Variants in HMGB1 observed in about 807,000 individuals in gnomAD.
HMGB1 encodes high mobility group protein B1.
For synonymous variants in HMGB1, 81 were observed against 84.0 expected (o/e 0.96, Z 0.19); for missense variants, 79 against 253.5 (o/e 0.31, Z 4.67).
chr13:30,515,800 A>G (rs1006945406), intron 1 of HMGB1, among the ~76,000 whole-genome samples: 3 of 152,258 alleles, frequency 2.0e-5, no homozygotes, highest in Non-Finnish European at 2.9e-5. Context: ...CAGGGGCTAC[A>G]TTGTAGTTTC....
chr13:30,518,153 G>A (rs193232562), intron 1 of HMGB1, among the ~76,000 whole-genome samples: 7 of 151,956 alleles, frequency 4.6e-5, no homozygotes, highest in Admixed American at 1.3e-4. Flanking sequence ...GCAAGATAGC[G>A]AGACTTCATC....
chr13:30,585,167 G>A (rs550132147), intron 1 of HMGB1, among the ~76,000 whole-genome samples: 1 of 150,722 alleles, frequency 6.6e-6, no homozygotes, highest in East Asian at 2.0e-4. Context: ...AAAAAAATTA[G>A]CCAGGCATGG....
intron 1 of HMGB1, among the ~76,000 whole-genome samples, chr13:30,579,335 T>C (rs911287935): frequency 2.0e-5 from 3 of 152,206 alleles, no homozygotes; most frequent in Admixed American, 6.6e-5. Flanking sequence ...ACAATTTTTG[T>C]TTCTGTCACA....
chr13:30,599,201 G>A (rs1025984285), intron 1 of HMGB1, among the ~76,000 whole-genome samples: 3 of 152,322 alleles, frequency 2.0e-5, no homozygotes, highest in East Asian at 3.9e-4. Context: ...GGGCACAACG[G>A]CTCACGCCTG....
At chr13:30,510,815 G>A (rs867244735) in intron 1 of HMGB1, among the ~76,000 whole-genome samples, 3 of 152,232 alleles carry the variant, frequency 2.0e-5, no homozygotes, top group Non-Finnish European at 2.9e-5. Context: ...CTTAATAAAC[G>A]CTTACTAATT....
intron 1 of HMGB1, among the ~76,000 whole-genome samples, chr13:30,495,448 G>A (rs1235243259): frequency 6.6e-6 from 1 of 151,616 alleles, no homozygotes; most frequent in Non-Finnish European, 1.5e-5. Context: ...CCTCCAGAGC[G>A]ACACTGAATA....
chr13:30,468,469 G>T (rs933432255), upstream of HMGB1, among the ~76,000 whole-genome samples: 6 of 152,108 alleles, frequency 3.9e-5, no homozygotes, highest in Non-Finnish European at 5.9e-5. Context: ...GGTCAGGCTG[G>T]TCTTGAACTC....
At chr13:30,488,988 C>A (rs1177564555) in intron 1 of HMGB1, among the ~76,000 whole-genome samples, 2 of 152,180 alleles carry the variant, frequency 1.3e-5, no homozygotes, top group Non-Finnish European at 2.9e-5. Flanking sequence ...CATGAACATT[C>A]AGTGCCAATA....
upstream of HMGB1, among the ~76,000 whole-genome samples, chr13:30,469,310 C>A (rs1325434311): frequency 6.6e-6 from 1 of 152,206 alleles, no homozygotes; most frequent in Non-Finnish European, 1.5e-5. Flanking sequence ...ACTTTATGCC[C>A]TTCCTCCATC....
In HMGB1 at chr13:30,505,371, G is replaced by A. The variant is rs566186305; in HGVS notation, c.-14-41677C>T. Among the ~76,000 whole-genome samples the A allele has an allele frequency of 1.4e-3, 217 of 152,050 alleles. 1 individual carries two copies. Among genetic ancestry groups the A allele is most frequent in the African/African-American group, 4.9e-3 (203 of 41,446 alleles). ...TTTTTTGTATTTTTAGTAGAGACAG[G>A]GTTTCACCGTGTTAGCCAGGATGGT... On this transcript the variant is annotated intron_variant, in intron 1 of 4. Transcript: ENST00000405805.
chr13:30,497,553 A>G (rs1379440462), intron 1 of HMGB1, among the ~76,000 whole-genome samples: 1 of 151,508 alleles, frequency 6.6e-6, no homozygotes, highest in Non-Finnish European at 1.5e-5. Context: ...TTTGTTACCC[A>G]GTTAATAAGC....
intron 1 of HMGB1, among the ~76,000 whole-genome samples, chr13:30,555,263 G>C (rs1272552368): frequency 2.6e-5 from 4 of 151,880 alleles, no homozygotes; most frequent in Admixed American, 2.0e-4. Context: ...GGATGGTCTC[G>C]ATCTCCTGAC....
At chr13:30,533,553 C>T (rs1441294834) in intron 1 of HMGB1, among the ~76,000 whole-genome samples, 3 of 151,540 alleles carry the variant, frequency 2.0e-5, no homozygotes, top group Non-Finnish European at 2.9e-5. Flanking sequence ...TTAGTGGAGA[C>T]GGGATTTCAC....
intron 1 of HMGB1, 137 bp downstream of exon 1, chr13:30,465,659 T>G (rs1452908629): frequency 8.0e-6 from 2 of 249,344 alleles, no homozygotes; most frequent in Non-Finnish European, 1.3e-5. Flanking sequence ...CCGTGCGCAG[T>G]TCCCCCCACG....
At chr13:30,611,757 A>C (rs1950514570) in intron 1 of HMGB1, among the ~76,000 whole-genome samples, 1 of 152,044 alleles carries the variant, frequency 6.6e-6, no homozygotes, top group African/African-American at 2.4e-5. Context: ...AGTCCTTTGC[A>C]CATTAAATAC....
chr13:30,470,204 TC>T (rs1385856407), upstream of HMGB1, among the ~76,000 whole-genome samples: 1 of 152,168 alleles, frequency 6.6e-6, no homozygotes, highest in African/African-American at 2.4e-5. Flanking sequence ...TATCTTTGAA[TC>T]CCAAGCACCT....
intron 1 of HMGB1, among the ~76,000 whole-genome samples, chr13:30,570,564 T>G (rs996491808): frequency 6.6e-6 from 1 of 152,358 alleles, no homozygotes; most frequent in South Asian, 2.1e-4. Context: ...ATATCCTTCA[T>G]GTAATTGAGC....
intron 1 of HMGB1, among the ~76,000 whole-genome samples, chr13:30,586,919 T>C (rs912589222): frequency 2.0e-5 from 3 of 152,236 alleles, no homozygotes; most frequent in African/African-American, 7.2e-5. Context: ...TTATCATTCT[T>C]ATATTCATAT....
intron 1 of HMGB1, among the ~76,000 whole-genome samples, chr13:30,474,466 C>T (rs1322612662): frequency 6.6e-6 from 1 of 152,122 alleles, no homozygotes; most frequent in Non-Finnish European, 1.5e-5. Context: ...TATAGGGATA[C>T]CGTGGGAGGC....
Sources: gnomAD v4.1 joint callset for allele counts (sites outside exome capture counted in the v4.1 genomes callset) on GRCh38, gnomAD v4.1.1 for gene constraint, MANE v1.5 for transcripts, NCBI Gene and HGNC (gene_info 2026-07-23, HGNC 2026-07-21) for gene names.